Variants in NEDD4 observed in about 807,000 individuals in gnomAD.
NEDD4 encodes NEDD4 E3 ubiquitin protein ligase.
In NEDD4, 99 loss-of-function variants were observed where a neutral mutation model predicts 144.9. That is an observed-to-expected ratio of 0.68 (90% CI 0.58 to 0.81). The LOEUF (loss-of-function observed/expected upper bound fraction) is 0.81, where lower values mean the gene tolerates loss of function less well. Among genes scored for constraint, NEDD4 ranks in the 30% least tolerant of loss-of-function variants. The pLI, the probability that NEDD4 is intolerant of heterozygous loss-of-function variation, is 0.00. For synonymous variants in NEDD4, 318 were observed against 350.6 expected, an observed-to-expected ratio of 0.91 and a Z score of 1.04; for missense variants, 985 against 1,065.9, an observed-to-expected ratio of 0.92 and a Z score of 1.06.
Position 55,943,204 on chromosome 15 carries a change from T to G in NEDD4, c.237+8172A>C, listed in dbSNP as rs186354679. 1.0e-2 allele frequency among the ~76,000 whole-genome samples: 1,519 copies of G among 152,204 alleles called. 9 individuals carry two copies. Among genetic ancestry groups the G allele is most frequent in the Non-Finnish European group, 0.015 (1,008 of 68,012 alleles). ...TTAAAAGGAAAGCAGAGCATAAAAG[T>G]TGGGAATATGTGCAGCCTGATCATG... On this transcript the variant is annotated intron_variant, in intron 4 of 28. Transcript: ENST00000435532.
At chr15:55,862,700 T>C (rs1332975444) in intron 9 of NEDD4, among the ~76,000 whole-genome samples, 1 of 152,142 alleles carries the variant, frequency 6.6e-6, no homozygotes, top group Non-Finnish European at 1.5e-5. Flanking sequence ...AAGGGTAGTA[T>C]CTAGAGTCAA....
chr15:55,860,375 T>A (rs1595760447), intron 11 of NEDD4, 32 bp downstream of exon 11: 2 of 1,609,300 alleles, frequency 1.2e-6, no homozygotes, highest in Non-Finnish European at 1.7e-6. Context: ...TATAAACTAC[T>A]GAAGCCGTAA....
At chr15:55,938,899 A>G (rs1215600780) in intron 4 of NEDD4, among the ~76,000 whole-genome samples, 2 of 152,124 alleles carry the variant, frequency 1.3e-5, no homozygotes, top group Non-Finnish European at 2.9e-5. Context: ...TGAATCCAGG[A>G]GTCTGAGACC....
At chr15:55,962,690 C>T (rs1301126793) in intron 2 of NEDD4, among the ~76,000 whole-genome samples, 1 of 151,730 alleles carries the variant, frequency 6.6e-6, no homozygotes. Context: ...GTGATCCACC[C>T]GCCTTAGCCT....
Position 55,862,905 on chromosome 15 carries a change from G to T in NEDD4, c.674+8C>A, listed in dbSNP as rs1484622152. The T allele has an allele frequency of 1.3e-6, 2 of 1,583,472 alleles. No individual in the cohort carries two copies. The highest frequency in any genetic ancestry group is 2.3e-5 in the South Asian group (2 of 85,792). On this transcript the variant is annotated splice_region_variant and intron_variant, in intron 9 of 28. Transcript: ENST00000435532. ...CAGATTAAAATTGTGAAAGCCATCA[G>T]CACATACTGAGGGGTTGGTCTTTTC... is the stretch of plus-strand genomic sequence containing the variant.
intron 5 of NEDD4, among the ~76,000 whole-genome samples, chr15:55,893,970 A>G (rs562941586): frequency 4.4e-4 from 67 of 151,982 alleles, no homozygotes; most frequent in Non-Finnish European, 8.8e-4. Context: ...TATTTAAAAC[A>G]TTTTCCTAGA....
At chr15:55,963,469 T>C (rs1255468194) in intron 2 of NEDD4, among the ~76,000 whole-genome samples, 1 of 152,174 alleles carries the variant, frequency 6.6e-6, no homozygotes. Context: ...TTTCTCTGGA[T>C]ATTACAATAT....
In NEDD4 at chr15:55,946,830, A is replaced by G. The variant is rs552820001; in HGVS notation, c.237+4546T>C. On this transcript the variant is annotated intron_variant, in intron 4 of 28. Transcript: ENST00000435532. ...GTCTCTCAGACCACAGTGCAATCAA[A>G]CTAGAACTCAGGATTAAGAAACTCA... is the stretch of plus-strand genomic sequence containing the variant. Among the ~76,000 whole-genome samples, 621 of 152,348 alleles carry G rather than the reference A, an allele frequency of 4.1e-3. 3 individuals carry two copies. The highest frequency in any genetic ancestry group is 6.5e-3 in the Non-Finnish European group (439 of 68,040).
In NEDD4 at chr15:55,829,573, T is replaced by C. The variant is rs2032845952; in HGVS notation, c.*324A>G. 2 of 185,240 alleles carry C rather than the reference T, an allele frequency of 1.1e-5. No homozygotes were observed. Among genetic ancestry groups the C allele is most frequent in the South Asian group, 2.8e-4 (2 of 7,188 alleles). 11.5% of individuals were successfully genotyped at this position (185,240 alleles called of 1,614,324 possible). Reference sequence around the variant, plus strand: ...TGGCAGATACTATACAAGAGGTAAATGTTAAGGACAAAATTCACTATTTAA... The same window carrying C: ...TGGCAGATACTATACAAGAGGTAAACGTTAAGGACAAAATTCACTATTTAA... On this transcript the variant is annotated 3_prime_UTR_variant, in exon 29 of 29. Coordinates refer to ENST00000435532, the MANE Select transcript of NEDD4 (RefSeq NM_006154.4).
At chr15:55,882,449 C>T (rs2035227320) in intron 5 of NEDD4, among the ~76,000 whole-genome samples, 1 of 152,200 alleles carries the variant, frequency 6.6e-6, no homozygotes, top group Non-Finnish European at 1.5e-5. Flanking sequence ...CAGAACTCAG[C>T]CATGGTCCAT....
intron 5 of NEDD4, among the ~76,000 whole-genome samples, chr15:55,890,906 TTCA>T (rs2035550983): frequency 6.6e-6 from 1 of 152,318 alleles, no homozygotes; most frequent in Admixed American, 6.5e-5. Flanking sequence ...TGAGCATCTT[TTCA>T]TGTGCTTATT....
rs111232474 is a variant in NEDD4, at chr15:55,887,188, A to G, written c.292-13180T>C. 2.5e-3 allele frequency among the ~76,000 whole-genome samples: 384 copies of G among 152,276 alleles called. 1 individual carries two copies. Among genetic ancestry groups the G allele is most frequent in the African/African-American group, 8.7e-3 (363 of 41,584 alleles). ...ATGAAATTGAAATGAAGAAAATGAC[A>G]CAAAAGACCAACAAAAAGAAGTTGG... On this transcript the variant is annotated intron_variant, in intron 5 of 28. Transcript: ENST00000435532.
At chr15:55,838,672 T>G in intron 21 of NEDD4, 68 bp from the exon 22 acceptor site, 3 of 1,008,506 alleles carry the variant, frequency 3.0e-6, no homozygotes, top group Non-Finnish European at 4.6e-6. Context: ...AAAAACAGTA[T>G]GTAGAGGGTC....
intron 1 of NEDD4, among the ~76,000 whole-genome samples, chr15:55,990,300 T>A (rs1458923926): frequency 2.6e-5 from 4 of 152,086 alleles, no homozygotes; most frequent in South Asian, 2.1e-4. Flanking sequence ...CGGTCCCTGG[T>A]GCCAAAACAG....
chr15:55,980,741 C>A (rs1369715708), intron 1 of NEDD4, among the ~76,000 whole-genome samples: 1 of 151,944 alleles, frequency 6.6e-6, no homozygotes, highest in Non-Finnish European at 1.5e-5. Flanking sequence ...CTGTCTTCAA[C>A]AAGAACAAGG....
In NEDD4 at chr15:55,912,784, G is replaced by A. The variant is rs183958671; in HGVS notation, c.291+11862C>T. The stretch of plus-strand genomic sequence containing the variant: ...TTAAAATATCAAGTATTTATTTTCA[G>A]ATCAAAAGTCATTATATAGCCTTTA... On this transcript the variant is annotated intron_variant, in intron 5 of 28. Transcript: ENST00000435532. 2.4e-3 allele frequency among the ~76,000 whole-genome samples: 371 copies of A among 152,162 alleles called. 2 individuals carry two copies. Among genetic ancestry groups the A allele is most frequent in the African/African-American group, 8.4e-3 (348 of 41,534 alleles).
intron 5 of NEDD4, among the ~76,000 whole-genome samples, chr15:55,903,518 A>G (rs2035978399): frequency 1.3e-5 from 2 of 152,118 alleles, no homozygotes; most frequent in Admixed American, 1.3e-4. Context: ...ATATAAGGCT[A>G]AGGGTTTAAA....
chr15:55,984,060 C>T (rs1050135888), intron 1 of NEDD4, among the ~76,000 whole-genome samples: 8 of 152,128 alleles, frequency 5.3e-5, no homozygotes, highest in East Asian at 1.9e-4. Context: ...CCCTGACCCA[C>T]GTGCCTGATA....
At chr15:55,882,974 G>T (rs55924913) in intron 5 of NEDD4, among the ~76,000 whole-genome samples, 3 of 152,058 alleles carry the variant, frequency 2.0e-5, no homozygotes, top group Admixed American at 2.0e-4. Context: ...TCTCAGCTGT[G>T]TTGGCTATAG....
Sources: gnomAD v4.1 joint callset for allele counts (sites outside exome capture counted in the v4.1 genomes callset) on GRCh38, gnomAD v4.1.1 for gene constraint, MANE v1.5 for transcripts, NCBI Gene and HGNC (gene_info 2026-07-23, HGNC 2026-07-21) for gene names.